Variants in ACSF2 observed in about 807,000 individuals in gnomAD.
ACSF2 encodes the protein medium-chain acyl-CoA ligase ACSF2, mitochondrial.
A neutral mutation model predicts 79.3 loss-of-function variants in ACSF2; 52 were observed. The ratio of observed to expected loss-of-function variants is 0.66; its 90% CI spans 0.53 to 0.83. The LOEUF is 0.83. Among genes scored for constraint, ACSF2 ranks in the 40% least tolerant of loss-of-function variants. The pLI, the probability that ACSF2 is intolerant of heterozygous loss-of-function variation, is 0.00. For synonymous variants in ACSF2, 283 were observed against 312.6 expected (o/e 0.91, Z 1.00); for missense variants, 661 against 803.3 (o/e 0.82, Z 2.14).
At position 50,472,563 on chromosome 17, in the gene ACSF2, A is replaced by C; in HGVS notation, c.1459A>C (p.Lys487Gln). The C allele has an allele frequency of 6.2e-7, 1 of 1,608,884 alleles. No homozygotes were observed. The highest frequency in any genetic ancestry group is 8.5e-7 in the Non-Finnish European group (1 of 1,177,708). ...QKTEEAVDQD[K>Q]WYWTGDVATM... The stretch of plus-strand genomic sequence containing the variant: ...GACAGAGGAAGCAGTGGATCAGGAC[A>C]AGTGGTATTGGACAGGGTGAGAAGG... Residue 487 changes from lysine (K) to glutamine (Q), a missense_variant, in exon 12 of 16, where the codon AAG becomes CAG. Lys to Gln is a moderately conservative substitution (Grantham distance 53). Coordinates refer to ENST00000300441, the MANE Select transcript of ACSF2 (RefSeq NM_025149.6).
intron 1 of ACSF2, among the ~76,000 whole-genome samples, chr17:50,457,551 C>T (rs1268502541): frequency 6.6e-6 from 1 of 152,192 alleles, no homozygotes; most frequent in Non-Finnish European, 1.5e-5. Flanking sequence ...GCAGGAGGAG[C>T]TGAGGTTGGT....
At chr17:50,427,319 G>A (rs1915089148) in intron 1 of ACSF2, among the ~76,000 whole-genome samples, 1 of 152,184 alleles carries the variant, frequency 6.6e-6, no homozygotes, top group African/African-American at 2.4e-5. Context: ...GGAGGGACAT[G>A]CAGACTCCTT....
At chr17:50,426,978 C>T in intron 1 of ACSF2, 1 of 1,535,766 alleles carries the variant, frequency 6.5e-7, no homozygotes, top group Non-Finnish European at 8.7e-7. Context: ...TGCAGCAGCA[C>T]AGTAAGTAAA....
At chr17:50,468,245 GC>G in intron 10 of ACSF2, 1 of 1,611,830 alleles carries the variant, frequency 6.2e-7, no homozygotes, top group Non-Finnish European at 8.5e-7. Context: ...GTCGTCCAGG[GC>G]CCCGGGCTGC....
In ACSF2 at chr17:50,474,239, C is replaced by A; in HGVS notation, c.1769C>A (p.Thr590Lys). The A allele has an allele frequency of 1.9e-6, 3 of 1,614,192 alleles. No homozygotes were observed. The highest frequency in any genetic ancestry group is 2.5e-6 in the Non-Finnish European group (3 of 1,180,034). Reference protein sequence around the residue: ...FKIPKYIVFVTNYPLTISGKI... With the variant: ...FKIPKYIVFVKNYPLTISGKI... Reference sequence around the variant, plus strand: ...ATTCCGAAGTACATCGTGTTTGTCACAAACTACCCCCTCACCATTTCAGGA... The same window carrying A: ...ATTCCGAAGTACATCGTGTTTGTCAAAAACTACCCCCTCACCATTTCAGGA... The change falls in exon 15 of 16, where the codon ACA becomes AAA. Residue 590 changes from threonine to lysine, a missense_variant. Thr to Lys is a moderately conservative substitution (Grantham distance 78, BLOSUM62 -1). Transcript: ENST00000300441. This position sits in a 1 kb window ranked among gnomAD's most constrained non-coding sequence, Gnocchi z 4.2.
chr17:50,468,127 G>A, intron 10 of ACSF2: 1 of 1,614,130 alleles, frequency 6.2e-7, no homozygotes. Flanking sequence ...TTTTCAGGGG[G>A]TTGTGGGACA....
chr17:50,468,736 G>A (rs764845486), intron 10 of ACSF2: 8 of 1,608,972 alleles, frequency 5.0e-6, no homozygotes, highest in South Asian at 1.1e-5. Flanking sequence ...GGCAGTGGCA[G>A]TTCTGGGGGC....
In ACSF2 at chr17:50,440,904, T is replaced by A. The variant is rs147401891; in HGVS notation, c.128+14515T>A. Among the ~76,000 whole-genome samples the A allele has an allele frequency of 2.8e-3, 426 of 152,324 alleles. 5 individuals carry two copies. Among genetic ancestry groups the A allele is most frequent in the African/African-American group, 9.8e-3 (407 of 41,594 alleles). ...GAGGCAGCAAAGAAAAAGAATCAGA[T>A]ACCACAAGGAGATGGAAAAGTCAGT... On this transcript the variant is annotated intron_variant, in intron 1 of 15. Coordinates refer to ENST00000300441, the MANE Select transcript of ACSF2 (RefSeq NM_025149.6).
In ACSF2 at chr17:50,426,834, C is replaced by T. The variant is rs1423236405; in HGVS notation, c.128+445C>T. On this transcript the variant is annotated intron_variant, in intron 1 of 15. Coordinates refer to ENST00000300441, the MANE Select transcript of ACSF2 (RefSeq NM_025149.6). The stretch of plus-strand genomic sequence containing the variant: ...TAAACTTAGCAGTCTCCTGTCTCCT[C>T]ATCAGCTGCTCACTAACATGGCTTT... 14 of 1,455,298 alleles carry T rather than the reference C, an allele frequency of 9.6e-6. No homozygotes were observed. The South Asian group carries it at 9.8e-5, about 10-fold the overall frequency. 90.1% of individuals were successfully genotyped at this position (1,455,298 alleles called of 1,614,324 possible).
At chr17:50,426,823 TC>T (rs1412674874) in intron 1 of ACSF2, 9 of 1,399,486 alleles carry the variant, frequency 6.4e-6, no homozygotes, top group Non-Finnish European at 8.8e-6. Flanking sequence ...CTTAGCAGTC[TC>T]CTGTCTCCTC....
chr17:50,459,954 C>T (rs1369471945), intron 1 of ACSF2, among the ~76,000 whole-genome samples: 2 of 152,212 alleles, frequency 1.3e-5, no homozygotes, highest in Non-Finnish European at 2.9e-5. Flanking sequence ...TTTCAGCCAG[C>T]TTCTTAATTC....
At chr17:50,469,451 T>G (rs1234550301) in intron 10 of ACSF2, among the ~76,000 whole-genome samples, 1 of 152,172 alleles carries the variant, frequency 6.6e-6, no homozygotes, top group Non-Finnish European at 1.5e-5. Context: ...GCGCCGAAGC[T>G]GGCCCTGGGT....
At chr17:50,451,746 A>G (rs60609577) in intron 1 of ACSF2, among the ~76,000 whole-genome samples, 9,685 of 152,236 alleles carry the variant, frequency 0.064, 1,074 homozygotes, top group African/African-American at 0.22. Context: ...CACCGCGCCC[A>G]GCCCTTGATT....
chr17:50,441,929 T>G (rs1227522839), intron 1 of ACSF2, among the ~76,000 whole-genome samples: 1 of 152,080 alleles, frequency 6.6e-6, no homozygotes, highest in Non-Finnish European at 1.5e-5. Flanking sequence ...AGCCTCGCCC[T>G]TGTGGGCTCA....
intron 1 of ACSF2, among the ~76,000 whole-genome samples, chr17:50,441,616 T>C (rs78684118): frequency 2.0e-4 from 31 of 152,340 alleles, no homozygotes; most frequent in Non-Finnish European, 3.5e-4. Flanking sequence ...GCTGCATTTC[T>C]TGGAGCCTCA....
chr17:50,465,105 G>T, intron 10 of ACSF2: 1 of 632,350 alleles, frequency 1.6e-6, no homozygotes. Flanking sequence ...GATGCTTGAA[G>T]AAAATGGTGG....
Position 50,426,348 on chromosome 17 carries a change from G to T in ACSF2, c.87G>T (p.Arg29=). The change falls in exon 1 of 16, where the codon CGG becomes CGT. Residue 29 remains arginine, a synonymous_variant. Coordinates refer to ENST00000300441, the MANE Select transcript of ACSF2 (RefSeq NM_025149.6). ...GVLGARAALS[R]SWQEARLQGV... ...TGGGGGCCCGGGCCGCCCTCTCTCG[G>T]AGTTGGCAGGAAGCCAGGTTGCAGG... is the stretch of plus-strand genomic sequence containing the variant. 1 of 1,424,040 alleles carries T rather than the reference G, an allele frequency of 7.0e-7. No individual in the cohort carries two copies. The highest frequency in any genetic ancestry group is 9.2e-7 in the Non-Finnish European group (1 of 1,082,448). 88.2% of individuals were successfully genotyped at this position (1,424,040 alleles called of 1,614,324 possible).
At chr17:50,439,563 G>C (rs566436968) in intron 1 of ACSF2, among the ~76,000 whole-genome samples, 3 of 152,284 alleles carry the variant, frequency 2.0e-5, no homozygotes, top group Admixed American at 6.5e-5. Flanking sequence ...TGAAATTGCT[G>C]TGCTGAAGAG....
Position 50,471,663 on chromosome 17 carries a change from G to A in ACSF2, c.1323+528G>A, listed in dbSNP as rs1270715295. ...GCCTCCTTTCCTGCTCCAACACTGGGGCTGTGCCAGCTGGCTCCTGATTTC... is the reference window on the plus strand; with the variant it reads ...GCCTCCTTTCCTGCTCCAACACTGGAGCTGTGCCAGCTGGCTCCTGATTTC... On this transcript the variant is annotated intron_variant, in intron 11 of 15. Coordinates refer to ENST00000300441, the MANE Select transcript of ACSF2 (RefSeq NM_025149.6). This position sits in a 1 kb window ranked among gnomAD's most constrained non-coding sequence, Gnocchi z 4.1. The A allele has an allele frequency of 6.1e-6, 1 of 163,882 alleles. No individual in the cohort carries two copies. Among genetic ancestry groups the A allele is most frequent in the Non-Finnish European group, 1.3e-5 (1 of 74,644 alleles). The allele number at this position is 163,882 out of a possible 1,614,324, so 10.2% of individuals were successfully genotyped here.
Sources: gnomAD v4.1 joint callset for allele counts (sites outside exome capture counted in the v4.1 genomes callset) on GRCh38, gnomAD v4.1.1 for gene constraint, Gnocchi (gnomAD v3.1) non-coding constraint, MANE v1.5 for transcripts, NCBI Gene and HGNC (gene_info 2026-07-23, HGNC 2026-07-21) for gene names.